ANKRD11: variants seen among roughly 807,000 people sequenced by gnomAD.
The protein encoded by ANKRD11 is ankyrin repeat domain 11, also known as ankyrin repeat domain-containing protein 11.
ANKRD11 carries 17 observed loss-of-function variants against 195.7 expected under a neutral mutation model. That is an observed-to-expected ratio of 0.09 (90% confidence interval 0.06 to 0.13). ANKRD11 has a LOEUF of 0.13. Among genes scored for constraint, ANKRD11 ranks in the 10% least tolerant of loss-of-function variants. ANKRD11 has a pLI of 1.00. For synonymous variants in ANKRD11, 1,953 were observed against 1,528.1 expected (o/e 1.28, Z -6.49); for missense variants, 3,735 against 3,566.1 (o/e 1.05, Z -1.21).
chr16:89,439,210 T>C (rs2043343428), intron 1 of ANKRD11, among the ~76,000 whole-genome samples: 2 of 152,222 alleles, frequency 1.3e-5, no homozygotes, highest in African/African-American at 2.4e-5. Flanking sequence ...GAAGTCCCAC[T>C]GTTTTCAGTA....
At chr16:89,338,186 C>T (rs1436492518) in intron 2 of ANKRD11, among the ~76,000 whole-genome samples, 2 of 152,170 alleles carry the variant, frequency 1.3e-5, no homozygotes, top group Non-Finnish European at 2.9e-5. Flanking sequence ...CCGAGACGCA[C>T]TCTCACTGTG....
chr16:89,483,431 A>T (rs1045938497), intron 1 of ANKRD11, among the ~76,000 whole-genome samples: 1 of 152,242 alleles, frequency 6.6e-6, no homozygotes, highest in Non-Finnish European at 1.5e-5. Context: ...ATTTTACCTG[A>T]ACTGTAAGTG....
intron 2 of ANKRD11, among the ~76,000 whole-genome samples, chr16:89,363,742 G>A (rs1312923769): frequency 2.0e-5 from 3 of 152,172 alleles, no homozygotes; most frequent in Non-Finnish European, 4.4e-5. Flanking sequence ...AAGAACACGG[G>A]CCTGCAGGTT....
chr16:89,300,302 C>T, intron 4 of ANKRD11: 1 of 217,160 alleles, frequency 4.6e-6, no homozygotes, highest in South Asian at 5.2e-5. Flanking sequence ...GGGCTTCCCG[C>T]CGTGTGTTGC....
At chr16:89,296,269 G>A (rs952584234) in intron 4 of ANKRD11, among the ~76,000 whole-genome samples, 1 of 152,106 alleles carries the variant, frequency 6.6e-6, no homozygotes, top group African/African-American at 2.4e-5. Context: ...TGAGGCTTGT[G>A]TTTTTATGAA....
chr16:89,305,767 G>A (rs1242059886), intron 3 of ANKRD11, among the ~76,000 whole-genome samples: 14 of 109,410 alleles, frequency 1.3e-4, no homozygotes, highest in African/African-American at 2.4e-4. Context: ...GCAGACACGC[G>A]CCACCTCCCA....
chr16:89,331,561 C>T (rs2038067545), intron 2 of ANKRD11, among the ~76,000 whole-genome samples: 1 of 152,186 alleles, frequency 6.6e-6, no homozygotes, highest in South Asian at 2.1e-4. Flanking sequence ...CCTTTTGATA[C>T]CGCTGGGTGT....
chr16:89,384,514 G>A (rs2040806309), intron 2 of ANKRD11, among the ~76,000 whole-genome samples: 1 of 149,238 alleles, frequency 6.7e-6, no homozygotes, highest in South Asian at 2.1e-4. Context: ...AGGATGGGAC[G>A]ACATGGAACA....
chr16:89,313,387 G>T lies in ANKRD11; in HGVS notation c.87+3546C>A, dbSNP rs138410265. 9.3e-6 allele frequency: 12 copies of T among 1,286,172 alleles called. No homozygotes were observed. The East Asian group carries it at 6.7e-4, about 71-fold the overall frequency. 79.7% of individuals were successfully genotyped at this position (1,286,172 alleles called of 1,614,324 possible). ...TCCCGAGGCAGCTCAGCGGTTCTGGGATTCCGTGGTCGGCAATGGTGAGAG... is the reference window on the plus strand; with the variant it reads ...TCCCGAGGCAGCTCAGCGGTTCTGGTATTCCGTGGTCGGCAATGGTGAGAG... On this transcript the variant is annotated intron_variant, in intron 3 of 12. Coordinates refer to ENST00000301030, the MANE Select transcript of ANKRD11 (RefSeq NM_013275.6).
chr16:89,438,259 A>T (rs1213906077), intron 1 of ANKRD11, among the ~76,000 whole-genome samples: 1 of 152,354 alleles, frequency 6.6e-6, no homozygotes, highest in East Asian at 1.9e-4. Context: ...ATAAATGCAA[A>T]GGGCAAAAGT....
intron 2 of ANKRD11, among the ~76,000 whole-genome samples, chr16:89,404,562 G>A (rs1457823692): frequency 6.6e-6 from 1 of 152,252 alleles, no homozygotes; most frequent in Non-Finnish European, 1.5e-5. Context: ...AGCTGCTTTT[G>A]AAAACACTGT....
At chr16:89,444,716 G>A (rs1012430736) in intron 1 of ANKRD11, among the ~76,000 whole-genome samples, 9 of 152,136 alleles carry the variant, frequency 5.9e-5, no homozygotes, top group African/African-American at 2.2e-4. Flanking sequence ...AAAACAGGAA[G>A]GAGGATGGCA....
At position 89,300,628 on chromosome 16, in the gene ANKRD11, C is replaced by G. The variant is rs567693770; in HGVS notation, c.226+4578G>C. The stretch of plus-strand genomic sequence containing the variant: ...GTCCCACAGATACCAGTGGCTAAGT[C>G]TGTCTTCCCTCCAGGAATGGGGAAG... On this transcript the variant is annotated intron_variant, in intron 4 of 12. Coordinates refer to ENST00000301030, the MANE Select transcript of ANKRD11 (RefSeq NM_013275.6). The G allele has an allele frequency of 1.6e-4, 77 of 490,862 alleles. No homozygotes were observed. The South Asian group carries it at 2.1e-3, about 14-fold the overall frequency. The allele number at this position is 490,862 out of a possible 1,614,324, so 30.4% of individuals were successfully genotyped here.
At chr16:89,433,910 C>T (rs2043104503) in intron 1 of ANKRD11, among the ~76,000 whole-genome samples, 1 of 152,212 alleles carries the variant, frequency 6.6e-6, no homozygotes, top group African/African-American at 2.4e-5. Flanking sequence ...ACAGCTACAT[C>T]GACATCTGGT....
At chr16:89,441,552 G>A (rs1005079556) in intron 1 of ANKRD11, among the ~76,000 whole-genome samples, 1 of 151,956 alleles carries the variant, frequency 6.6e-6, no homozygotes, top group African/African-American at 2.4e-5. Flanking sequence ...CGGATCACGA[G>A]GTCAGCAGAT....
At chr16:89,396,173 C>T (rs2041418170) in intron 2 of ANKRD11, 1 of 152,206 alleles carries the variant, frequency 6.6e-6, no homozygotes, top group South Asian at 2.1e-4. Context: ...ACTCCAAGAG[C>T]AGACAGCTTC....
chr16:89,284,737 G>A lies in ANKRD11; in HGVS notation c.1805C>T (p.Ala602Val), dbSNP rs1473654938. Reference sequence around the variant, plus strand: ...GGGGCTCTTCTTCTCCGACAGGGAGGCTCGCTTCCTGTGCTCCTGCCTCTT... The same window carrying A: ...GGGGCTCTTCTTCTCCGACAGGGAGACTCGCTTCCTGTGCTCCTGCCTCTT... ...VRKRQEHRKR[A>V]SLSEKKSPFL... The change falls in exon 9 of 13, where the codon GCC becomes GTC. Residue 602 changes from alanine to valine, a missense_variant. Transcript: ENST00000301030. 5.6e-6 allele frequency: 9 copies of A among 1,613,464 alleles called. No homozygotes were observed. The South Asian group carries it at 7.7e-5, about 14-fold the overall frequency.
chr16:89,325,134 G>C (rs1057158190), intron 2 of ANKRD11: 1 of 153,066 alleles, frequency 6.5e-6, no homozygotes, highest in African/African-American at 2.4e-5. Flanking sequence ...AGACACAAGA[G>C]ACACGCGTGA....
chr16:89,389,759 C>T (rs988454191), intron 2 of ANKRD11, among the ~76,000 whole-genome samples: 44 of 138,738 alleles, frequency 3.2e-4, no homozygotes, highest in African/African-American at 9.4e-4. Flanking sequence ...CGGGGAGCAC[C>T]GAGAGAGAAG....
Sources: allele counts gnomAD v4.1 joint callset (sites outside exome capture counted in the v4.1 genomes callset), GRCh38; gene constraint gnomAD v4.1.1; transcripts MANE v1.5; gene names NCBI Gene and HGNC (gene_info 2026-07-23, HGNC 2026-07-21).